ARIH2: variants seen among roughly 807,000 people sequenced by gnomAD.
The protein encoded by ARIH2 is E3 ubiquitin-protein ligase ARIH2.
In ARIH2, 12 loss-of-function variants were observed where a neutral mutation model predicts 79.8. The observed-to-expected ratio is 0.15, with a 90% CI of 0.10 to 0.24. The LOEUF (loss-of-function observed/expected upper bound fraction) is 0.24. Ranked by LOEUF, ARIH2 falls within the 10% of genes least tolerant of loss-of-function variation. The pLI is 1.00. For synonymous variants in ARIH2, 224 were observed against 213.9 expected (o/e 1.05, Z -0.41); for missense variants, 301 against 618.3 (o/e 0.49, Z 5.44).
At chr3:48,944,557 G>A (rs1035073601) in intron 3 of ARIH2, among the ~76,000 whole-genome samples, 2 of 152,170 alleles carry the variant, frequency 1.3e-5, no homozygotes, top group African/African-American at 4.8e-5. Context: ...GTAAAGAAAA[G>A]TGGAATGGGC....
chr3:48,961,228 G>A (rs2091216839), intron 3 of ARIH2, among the ~76,000 whole-genome samples: 1 of 152,198 alleles, frequency 6.6e-6, no homozygotes. Flanking sequence ...GGCCTAACTA[G>A]AGATGTGCTT....
chr3:48,970,828 T>G (rs2092180608), intron 8 of ARIH2, 124 bp downstream of exon 8: 15 of 679,794 alleles, frequency 2.2e-5, no homozygotes, highest in Non-Finnish European at 3.6e-5. Flanking sequence ...ACAGAACAGC[T>G]GTGCTCCAAG....
At chr3:48,931,963 C>T (rs1257156476) in intron 3 of ARIH2, among the ~76,000 whole-genome samples, 1 of 152,106 alleles carries the variant, frequency 6.6e-6, no homozygotes, top group Non-Finnish European at 1.5e-5. Flanking sequence ...GAGCTGAGAT[C>T]GTGTCACTGT....
chr3:48,970,190 C>T (rs200499853), intron 7 of ARIH2, among the ~76,000 whole-genome samples: 66 of 37,422 alleles, frequency 1.8e-3, no homozygotes, highest in African/African-American at 0.012. Context: ...CCGCGCCCGG[C>T]CTTGTTATTT....
intron 3 of ARIH2, among the ~76,000 whole-genome samples, chr3:48,960,935 A>T (rs2091181468): frequency 6.6e-6 from 1 of 152,054 alleles, no homozygotes; most frequent in South Asian, 2.1e-4. Context: ...ATCCTCTGTC[A>T]TTTCCTCAGG....
At chr3:48,934,482 G>C (rs1399771910) in intron 3 of ARIH2, 1 of 985,082 alleles carries the variant, frequency 1.0e-6, no homozygotes, top group East Asian at 1.1e-4. Flanking sequence ...CTTCAAGCTG[G>C]GCCTGGTTAC....
At chr3:48,956,926 T>C (rs2090660596) in intron 3 of ARIH2, among the ~76,000 whole-genome samples, 1 of 151,912 alleles carries the variant, frequency 6.6e-6, no homozygotes, top group African/African-American at 2.4e-5. Context: ...ACAACTTAGC[T>C]GGTCTCAAAC....
At position 48,956,326 on chromosome 3, in the gene ARIH2, A is replaced by G. The variant is rs377610782; in HGVS notation, c.256-5286A>G. ...GCTAATTTTTATATTTTTAGTAGAG[A>G]CGGGGTTTCACCGTGTTGGCCAGGC... On this transcript the variant is annotated intron_variant, in intron 3 of 15. Coordinates refer to ENST00000356401, the MANE Select transcript of ARIH2 (RefSeq NM_006321.4). Among the ~76,000 whole-genome samples, 10 of 150,336 alleles carry G rather than the reference A, an allele frequency of 6.7e-5. No individual in the cohort carries two copies. The East Asian group carries it at 1.8e-3, about 27-fold the overall frequency.
chr3:48,919,048 G>C (rs983775946), intron 1 of ARIH2, 50 bp downstream of exon 1: 3 of 1,330,390 alleles, frequency 2.3e-6, no homozygotes, highest in Middle Eastern at 2.7e-4. Flanking sequence ...CTGGCCGCTG[G>C]GGGGGCCTCT....
chr3:48,934,968 GT>G (rs371586842), intron 3 of ARIH2: 25 of 973,994 alleles, frequency 2.6e-5, no homozygotes, highest in South Asian at 4.8e-5. Context: ...GTGTGTGTTT[GT>G]TTTTTTTTGA....
chr3:48,973,691 A>G lies in ARIH2; in HGVS notation c.771-8A>G. 6.2e-7 allele frequency: 1 copy of G among 1,606,722 alleles called. No homozygotes were observed. Among genetic ancestry groups the G allele is most frequent in the Non-Finnish European group, 8.5e-7 (1 of 1,174,900 alleles). On this transcript the variant is annotated splice_region_variant and splice_polypyrimidine_tract_variant and intron_variant, in intron 8 of 15. Transcript: ENST00000356401. Reference sequence around the variant, plus strand: ...AATATTTGAATGTTTTTCTTTTCCAATTTTAAGTTTCAAGTGTCGTCAGAT... The same window carrying G: ...AATATTTGAATGTTTTTCTTTTCCAGTTTTAAGTTTCAAGTGTCGTCAGAT...
Position 48,918,953 on chromosome 3 carries a change from C to A in ARIH2, c.-207C>A. On this transcript the variant is annotated 5_prime_UTR_variant, in exon 1 of 16. Transcript: ENST00000356401. ...CCGGTCCCTCTGGCCCGGCCTGACC[C>A]GGTCTGGCTTGTTCGGGCTCAGCGG... 1 of 1,527,578 alleles carries A rather than the reference C, an allele frequency of 6.5e-7. No individual in the cohort carries two copies. Among genetic ancestry groups the A allele is most frequent in the Non-Finnish European group, 8.7e-7 (1 of 1,146,770 alleles). 94.6% of individuals were successfully genotyped at this position (1,527,578 alleles called of 1,614,324 possible). A position where few individuals can be genotyped will look rare whatever the true frequency, so the allele number is the denominator to read the frequency against.
chr3:48,959,469 C>G (rs2091003213), intron 3 of ARIH2, among the ~76,000 whole-genome samples: 2 of 151,444 alleles, frequency 1.3e-5, no homozygotes, highest in South Asian at 4.1e-4. Flanking sequence ...GTTAAGGACA[C>G]AGAAGAAATA....
chr3:48,919,412 T>G, intron 1 of ARIH2: 1 of 363,886 alleles, frequency 2.7e-6, no homozygotes, highest in Non-Finnish European at 4.9e-6. Context: ...GGGCTCCGCG[T>G]CCGCGCGAAT....
Position 48,930,518 on chromosome 3 carries a change from G to A in ARIH2, c.255+2705G>A, listed in dbSNP as rs892731318. Among the ~76,000 whole-genome samples the A allele has an allele frequency of 6.6e-5, 10 of 152,026 alleles. 1 individual carries two copies. The highest frequency in any genetic ancestry group is 2.4e-4 in the African/African-American group (10 of 41,400). ...AAATTTTTTTTTTGGTAGAGATGGG[G>A]TCTTGCTATGTTGCCTAGGTCTTAA... On this transcript the variant is annotated intron_variant, in intron 3 of 15. Transcript: ENST00000356401.
rs991379064 is a variant in ARIH2 at position 48,965,333 on chromosome 3, C to T, written c.387+351C>T. On this transcript the variant is annotated intron_variant, in intron 5 of 15. Transcript: ENST00000356401. ...CAAGATCATGCCACTGCACTCCAAC[C>T]TGGGCGACAGAGCGAGACTCTGTCT... 2.6e-5 allele frequency among the ~76,000 whole-genome samples: 4 copies of T among 152,064 alleles called. No individual in the cohort carries two copies. The South Asian group carries it at 6.2e-4, about 24-fold the overall frequency.
At chr3:48,964,878 T>G (rs753829767) in intron 4 of ARIH2, 41 bp from the exon 5 acceptor site, 1 of 1,543,484 alleles carries the variant, frequency 6.5e-7, no homozygotes. Flanking sequence ...AAAAATGTCT[T>G]TAGCTTCTGA....
chr3:48,975,526 C>A (rs1426802062), intron 11 of ARIH2, among the ~76,000 whole-genome samples: 2 of 151,842 alleles, frequency 1.3e-5, no homozygotes, highest in Admixed American at 6.6e-5. Flanking sequence ...GGGTCTTCTA[C>A]GCAGCTGCTT....
rs748917418 is a variant in ARIH2 at position 48,918,957 on chromosome 3, C to G, written c.-203C>G. Reference sequence around the variant, plus strand: ...TCCCTCTGGCCCGGCCTGACCCGGTCTGGCTTGTTCGGGCTCAGCGGCCGC... The same window carrying G: ...TCCCTCTGGCCCGGCCTGACCCGGTGTGGCTTGTTCGGGCTCAGCGGCCGC... On this transcript the variant is annotated 5_prime_UTR_variant, in exon 1 of 16. Transcript: ENST00000356401. 65 of 1,513,458 alleles carry G rather than the reference C, an allele frequency of 4.3e-5. No individual in the cohort carries two copies. The highest frequency in any genetic ancestry group is 5.4e-5 in the Non-Finnish European group (62 of 1,139,906). The allele number at this position is 1,513,458 out of a possible 1,614,324, so 93.8% of individuals were successfully genotyped here.
Sources: gnomAD v4.1 joint callset for allele counts (sites outside exome capture counted in the v4.1 genomes callset) on GRCh38, gnomAD v4.1.1 for gene constraint, MANE v1.5 for transcripts, NCBI Gene and HGNC (gene_info 2026-07-23, HGNC 2026-07-21) for gene names.